The following ROBO2 variants were observed in gnomAD, a reference collection of about 807,000 sequenced individuals.
ROBO2 encodes the protein roundabout homolog 2.
ROBO2 carries 53 observed loss-of-function variants against 160.8 expected under a neutral mutation model. That is an observed-to-expected ratio of 0.33 (90% CI 0.26 to 0.41). The LOEUF (loss-of-function observed/expected upper bound fraction) is 0.41. Ranked by LOEUF, ROBO2 falls within the 10% of genes least tolerant of loss-of-function variation. The pLI is 1.00. For synonymous variants in ROBO2, 664 were observed against 611.7 expected, an observed-to-expected ratio of 1.09 and a Z score of -1.26; for missense variants, 1,577 against 1,722.4, an observed-to-expected ratio of 0.92 and a Z score of 1.49.
Position 76,818,344 on chromosome 3 carries a change from G to GT in ROBO2, c.110-279662dup, listed in dbSNP as rs766856035. ...ATCCCACTTTTTGATGGGATTGTTT[G>GT]TTTTTTTTCTTGATGATTTGTTTGT... On this transcript the variant is annotated intron_variant, in intron 2 of 26. Coordinates refer to the ROBO2 transcript ENST00000487694. Among the ~76,000 whole-genome samples the GT allele has an allele frequency of 2.0e-4, 30 of 151,196 alleles. No homozygotes were observed. The East Asian group carries it at 4.1e-3, about 21-fold the overall frequency.
intron 2 of ROBO2, among the ~76,000 whole-genome samples, chr3:77,121,596 A>G (rs1169441717): frequency 6.6e-6 from 1 of 152,116 alleles, no homozygotes; most frequent in Non-Finnish European, 1.5e-5. Context: ...ACTTAAATTA[A>G]ATAATAAATT....
chr3:77,238,873 C>G (rs2088503111), intron 2 of ROBO2, among the ~76,000 whole-genome samples: 1 of 152,162 alleles, frequency 6.6e-6, no homozygotes, highest in Admixed American at 6.5e-5. Context: ...TTCTCCTCTA[C>G]TTGCAGATAG....
chr3:76,053,451 G>C (rs1428017657), intron 2 of ROBO2, among the ~76,000 whole-genome samples: 2 of 151,910 alleles, frequency 1.3e-5, no homozygotes, highest in African/African-American at 2.4e-5. Context: ...ATTCTTTAAA[G>C]GTAGTTCATT....
intron 2 of ROBO2, among the ~76,000 whole-genome samples, chr3:75,955,687 C>T (rs1397170138): frequency 6.6e-6 from 1 of 151,550 alleles, no homozygotes; most frequent in East Asian, 2.0e-4. Flanking sequence ...AAAGTGTGCT[C>T]TATACACTTC....
intron 2 of ROBO2, among the ~76,000 whole-genome samples, chr3:76,953,256 TTAAAA>T: frequency 1.3e-5 from 2 of 152,188 alleles, no homozygotes; most frequent in South Asian, 4.2e-4. Flanking sequence ...GCATTTTCGT[TTAAAA>T]TAAAAAAGAT....
Position 76,257,674 on chromosome 3 carries a change from TG to T in ROBO2, c.109+320073del, listed in dbSNP as rs549201393. On this transcript the variant is annotated intron_variant, in intron 2 of 26. Coordinates refer to the ROBO2 transcript ENST00000487694. ...CCATATTATATGTGCTGATCGCTAT[TG>T]TATAGTGTATTTCATAGTGCACAAT... Among the ~76,000 whole-genome samples, 5 of 152,062 alleles carry T rather than the reference TG, an allele frequency of 3.3e-5. No homozygotes were observed. In the South Asian group the frequency reaches 1.0e-3, roughly 32 times the overall value.
At chr3:76,637,915 T>C (rs749303497) in intron 2 of ROBO2, among the ~76,000 whole-genome samples, 1 of 152,194 alleles carries the variant, frequency 6.6e-6, no homozygotes, top group African/African-American at 2.4e-5. Context: ...CTATTGAGTC[T>C]CTGTATAGTA....
At chr3:76,848,413 C>T (rs911421533) in intron 2 of ROBO2, among the ~76,000 whole-genome samples, 1 of 152,036 alleles carries the variant, frequency 6.6e-6, no homozygotes, top group African/African-American at 2.4e-5. Context: ...AAGCTACCAG[C>T]GTGAAGTCTT....
chr3:77,171,279 C>A (rs1383871456), intron 2 of ROBO2, among the ~76,000 whole-genome samples: 2 of 152,118 alleles, frequency 1.3e-5, no homozygotes, highest in Non-Finnish European at 2.9e-5. Context: ...GTTGTCAGGA[C>A]TGGTTACATA....
chr3:77,438,472 A>C (rs1204663060), intron 2 of ROBO2, among the ~76,000 whole-genome samples: 1 of 151,792 alleles, frequency 6.6e-6, no homozygotes, highest in Non-Finnish European at 1.5e-5. Flanking sequence ...GGTTTGCCAG[A>C]ACACTTCAGA....
At chr3:77,385,536 C>T (rs1270364855) in intron 2 of ROBO2, among the ~76,000 whole-genome samples, 1 of 152,102 alleles carries the variant, frequency 6.6e-6, no homozygotes, top group African/African-American at 2.4e-5. Flanking sequence ...AACTTTGAAA[C>T]AGAGTTTAAC....
At chr3:77,197,765 G>T (rs2082438198) in intron 2 of ROBO2, among the ~76,000 whole-genome samples, 1 of 152,192 alleles carries the variant, frequency 6.6e-6, no homozygotes. Context: ...GTACAGATTT[G>T]ATTTAATTAG....
At chr3:76,538,629 T>C (rs1266638924) in intron 2 of ROBO2, among the ~76,000 whole-genome samples, 1 of 152,168 alleles carries the variant, frequency 6.6e-6, no homozygotes, top group Non-Finnish European at 1.5e-5. Context: ...TTGTGCAGGA[T>C]TGCTACAGAG....
chr3:76,452,229 A>G (rs1377338864), intron 2 of ROBO2, among the ~76,000 whole-genome samples: 1 of 152,062 alleles, frequency 6.6e-6, no homozygotes, highest in South Asian at 2.1e-4. Flanking sequence ...CACAATGTGT[A>G]GGTTACTTAC....
chr3:76,599,532 C>T (rs1316624735), intron 2 of ROBO2, among the ~76,000 whole-genome samples: 1 of 152,058 alleles, frequency 6.6e-6, no homozygotes, highest in Admixed American at 6.6e-5. Flanking sequence ...GTCTTTATGA[C>T]AGAAAGACTT....
chr3:76,726,571 C>G (rs2093556440), intron 2 of ROBO2, among the ~76,000 whole-genome samples: 1 of 152,118 alleles, frequency 6.6e-6, no homozygotes, highest in Admixed American at 6.5e-5. Flanking sequence ...TCCTCTCCAC[C>G]TCCACCAACT....
At chr3:76,406,515 G>T (rs1280252546) in intron 2 of ROBO2, among the ~76,000 whole-genome samples, 1 of 151,624 alleles carries the variant, frequency 6.6e-6, no homozygotes, top group East Asian at 1.9e-4. Context: ...ATTTGATAAG[G>T]AATAGGACAA....
intron 2 of ROBO2, among the ~76,000 whole-genome samples, chr3:76,926,846 T>G (rs765366887): frequency 6.6e-6 from 1 of 152,172 alleles, no homozygotes; most frequent in Non-Finnish European, 1.5e-5. Flanking sequence ...AGCTCATTAT[T>G]GTAACCTATT....
chr3:77,483,417 G>T (rs1340293096), intron 4 of ROBO2, among the ~76,000 whole-genome samples: 2 of 151,768 alleles, frequency 1.3e-5, no homozygotes, highest in Admixed American at 6.6e-5. Flanking sequence ...ATTTTATGCT[G>T]GTGCTCCTAC....
Sources: gnomAD v4.1 joint callset for allele counts (sites outside exome capture counted in the v4.1 genomes callset) on GRCh38, gnomAD v4.1.1 for gene constraint, MANE v1.5 for transcripts, NCBI Gene and HGNC (gene_info 2026-07-23, HGNC 2026-07-21) for gene names.